SALL1: variants seen among roughly 807,000 people sequenced by gnomAD.
SALL1 encodes the protein sal-like protein 1.
SALL1 carries 10 observed loss-of-function variants against 73.1 expected under a neutral mutation model. That is an observed-to-expected ratio of 0.14 (90% CI 0.08 to 0.23). SALL1 has a LOEUF of 0.23. Ranked by LOEUF, SALL1 falls within the 10% of genes least tolerant of loss-of-function variation. The pLI, the probability that SALL1 is intolerant of heterozygous loss-of-function variation, is 1.00. For missense variants in SALL1, 1,520 were observed against 1,697.3 expected (o/e 0.90, Z 1.84); for synonymous variants, 688 against 689.8 (o/e 1.00, Z 0.04).
rs766143910 is a variant in SALL1, at chr16:51,137,096, T to C, written c.*16A>G. On this transcript the variant is annotated 3_prime_UTR_variant, in exon 3 of 3. Transcript: ENST00000251020. ...TCTGAACAGGAATGAATGCTATGTCTCCAGCCCGAGCTGCTTTAACTCGTG... is the reference window on the plus strand; with the variant it reads ...TCTGAACAGGAATGAATGCTATGTCCCCAGCCCGAGCTGCTTTAACTCGTG... 2 of 1,613,900 alleles carry C rather than the reference T, an allele frequency of 1.2e-6. No homozygotes were observed. The highest frequency in any genetic ancestry group is 1.7e-6 in the Non-Finnish European group (2 of 1,179,918).
At chr16:51,151,567 G>C (rs1237407380), upstream of SALL1, among the ~76,000 whole-genome samples, 4 of 151,678 alleles carry the variant, frequency 2.6e-5, no homozygotes, top group Non-Finnish European at 5.9e-5. Flanking sequence ...CCAATAAGCC[G>C]GCCGCGGGGC....
In SALL1 at chr16:51,140,345, T is replaced by A; in HGVS notation, c.1877A>T (p.Glu626Val). ...GACTGAGTTGGTGACCATGCCACTCTCTTCGCTTTTGCCACCAGAGGGTGG... is the reference window on the plus strand; with the variant it reads ...GACTGAGTTGGTGACCATGCCACTCACTTCGCTTTTGCCACCAGAGGGTGG... Reference protein sequence around the residue: ...TLPPSGGKSEESGMVTNSVPT... With the variant: ...TLPPSGGKSEVSGMVTNSVPT... The change falls in exon 2 of 3, where the codon GAG becomes GTG. Residue 626 changes from glutamate to valine, a missense_variant. Transcript: ENST00000251020. This position sits in a 1 kb window ranked among gnomAD's most constrained non-coding sequence, Gnocchi z 5.7. 6.2e-7 allele frequency: 1 copy of A among 1,614,180 alleles called. No homozygotes were observed. Among genetic ancestry groups the A allele is most frequent in the Non-Finnish European group, 8.5e-7 (1 of 1,180,028 alleles).
At chr16:51,148,320 G>A (rs1962547736) in intron 1 of SALL1, among the ~76,000 whole-genome samples, 1 of 152,120 alleles carries the variant, frequency 6.6e-6, no homozygotes, top group South Asian at 2.1e-4. Context: ...CTGTAACTTA[G>A]GTCTACAAAC....
At chr16:51,145,175 C>T (rs139054263) in intron 1 of SALL1, among the ~76,000 whole-genome samples, 1 of 146,166 alleles carries the variant, frequency 6.8e-6, no homozygotes, top group Non-Finnish European at 1.5e-5. Flanking sequence ...TAGTAAGATA[C>T]ACACACACAC....
At chr16:51,142,697 G>A (rs1034488162) in intron 1 of SALL1, among the ~76,000 whole-genome samples, 1 of 152,052 alleles carries the variant, frequency 6.6e-6, no homozygotes, top group African/African-American at 2.4e-5. Flanking sequence ...CCCCTACCTC[G>A]AACCTGCGCT....
rs1962427132 is a variant in SALL1 at position 51,141,430 on chromosome 16, C to G, written c.792G>C (p.Leu264Phe). 1 of 1,614,148 alleles carries G rather than the reference C, an allele frequency of 6.2e-7. No individual in the cohort carries two copies. The highest frequency in any genetic ancestry group is 8.5e-7 in the Non-Finnish European group (1 of 1,180,044). ...ILLLASQNADLPTSSSPSQGT... is the reference protein window; with the variant it reads ...ILLLASQNADFPTSSSPSQGT... ...CTTGAGAAGGACTAGAAGATGTTGGCAAGTCTGCATTCTGAGAAGCCAACA... is the reference window on the plus strand; with the variant it reads ...CTTGAGAAGGACTAGAAGATGTTGGGAAGTCTGCATTCTGAGAAGCCAACA... Residue 264 changes from leucine (L) to phenylalanine (F), a missense_variant, in exon 2 of 3, where the codon TTG becomes TTC. Physicochemically the swap from Leu to Phe is conservative, Grantham distance 22 (BLOSUM62 0). This residue lies in a region of SALL1 where 540 missense variants were observed against 567.5 expected (regional missense o/e 0.95). Coordinates refer to ENST00000251020, the MANE Select transcript of SALL1 (RefSeq NM_002968.3). The surrounding 1 kb of genome is among the most constrained non-coding windows in gnomAD (Gnocchi z 5.4).
chr16:51,139,525 G>T lies in SALL1; in HGVS notation c.2697C>A (p.Thr899=). The T allele has an allele frequency of 6.2e-7, 1 of 1,614,186 alleles. No individual in the cohort carries two copies. The highest frequency in any genetic ancestry group is 1.7e-5 in the Admixed American group (1 of 60,030). The stretch of plus-strand genomic sequence containing the variant: ...CACCACCCACTGAGGATGAATCATT[G>T]GTCAGGACATCCCCCTCGATGGACC... The part of the protein sequence containing the change: ...ENGSIEGDVL[T]NDSSSVGGDM... Residue 899 remains threonine (T), a synonymous_variant, in exon 2 of 3, where the codon ACC becomes ACA. Transcript: ENST00000251020.
intron 1 of SALL1, among the ~76,000 whole-genome samples, chr16:51,142,738 C>T (rs2143455320): frequency 6.6e-6 from 1 of 152,310 alleles, no homozygotes; most frequent in South Asian, 2.1e-4. Flanking sequence ...GCACTTTAGT[C>T]ACATCAGTAA....
In SALL1 at chr16:51,140,639, T is replaced by C. The variant is rs1027802595; in HGVS notation, c.1583A>G (p.Tyr528Cys). Reference protein sequence around the residue: ...DNIPTSTGIPYGMSIPPEKPV... With the variant: ...DNIPTSTGIPCGMSIPPEKPV... ...CTTCTCTGGAGGGATGGACATGCCA[T>C]ATGGGATGCCAGTACTCGTGGGGAT... The change falls in exon 2 of 3, where the codon TAT (tyrosine) becomes TGT (cysteine). Residue 528 changes from tyrosine to cysteine, a missense_variant. Physicochemically the swap from Tyr to Cys is radical, Grantham distance 194. Coordinates refer to ENST00000251020, the MANE Select transcript of SALL1 (RefSeq NM_002968.3). This position sits in a 1 kb window ranked among gnomAD's most constrained non-coding sequence, Gnocchi z 5.7. 1.9e-6 allele frequency: 3 copies of C among 1,614,114 alleles called. No individual in the cohort carries two copies. The highest frequency in any genetic ancestry group is 2.5e-6 in the Non-Finnish European group (3 of 1,180,018).
chr16:51,139,645 C>T lies in SALL1; in HGVS notation c.2577G>A (p.Glu859=). The T allele has an allele frequency of 6.2e-7, 1 of 1,613,864 alleles. No homozygotes were observed. Among genetic ancestry groups the T allele is most frequent in the East Asian group, 2.2e-5 (1 of 44,874 alleles). The change falls in exon 2 of 3, where the codon GAG becomes GAA. Residue 859 remains glutamate (E), a synonymous_variant. Transcript: ENST00000251020. ...DSLSSSPLPL[E]MSSIAALENQ... is the part of the protein sequence containing the mutation. ...TTTCCAAAGCAGCGATGCTCGACAT[C>T]TCGAGGGGCAAAGGCGAAGAGGATA...
chr16:51,142,265 T>C (rs1962455612), intron 1 of SALL1, 120 bp from the exon 2 acceptor site: 1 of 779,532 alleles, frequency 1.3e-6, no homozygotes, highest in African/African-American at 1.7e-5. Context: ...ACTGTAGCCC[T>C]TGAAAACCAA....
rs1394726752 is a variant in SALL1 at position 51,140,898 on chromosome 16, A to T, written c.1324T>A (p.Ser442Thr). ...TTGTGTTTGAAGAATGCCTCATCGG[A>T]AGTACTTTTCGCTTCAAAGGCAGTG... is the stretch of plus-strand genomic sequence containing the variant. Reference protein sequence around the residue: ...NVTAFEAKSTSDEAFFKHKCR... With the variant: ...NVTAFEAKSTTDEAFFKHKCR... The change falls in exon 2 of 3, where the codon TCC (serine) becomes ACC (threonine). Residue 442 changes from serine (S) to threonine (T), a missense_variant. Around this residue, in one of 7 missense-constraint regions of SALL1, gnomAD observed 540 missense variants for 567.5 expected, o/e 0.95. Transcript: ENST00000251020. The surrounding 1 kb of genome is among the most constrained non-coding windows in gnomAD (Gnocchi z 5.7). 2 of 1,614,182 alleles carry T rather than the reference A, an allele frequency of 1.2e-6. No individual in the cohort carries two copies. Among genetic ancestry groups the T allele is most frequent in the African/African-American group, 2.7e-5 (2 of 75,042 alleles).
At chr16:51,147,703 T>C (rs1962538661) in intron 1 of SALL1, among the ~76,000 whole-genome samples, 1 of 151,670 alleles carries the variant, frequency 6.6e-6, no homozygotes, top group Non-Finnish European at 1.5e-5. Context: ...ACTTTTTAAA[T>C]AAATGAATGG....
intron 1 of SALL1, among the ~76,000 whole-genome samples, chr16:51,145,066 G>A (rs1028750950): frequency 6.8e-5 from 10 of 148,008 alleles, no homozygotes; most frequent in African/African-American, 2.0e-4. Flanking sequence ...ATCTGCATTC[G>A]GAACAAAATT....
intron 1 of SALL1, among the ~76,000 whole-genome samples, chr16:51,146,247 G>GA (rs1486373673): frequency 6.6e-6 from 1 of 151,982 alleles, no homozygotes; most frequent in African/African-American, 2.4e-5. Context: ...TGAAATCTCT[G>GA]AAAAAATAAC....
In SALL1 at chr16:51,140,113, A is replaced by G; in HGVS notation, c.2109T>C (p.Thr703=). Residue 703 remains threonine, a synonymous_variant, in exon 2 of 3, where the codon ACT becomes ACC. Coordinates refer to ENST00000251020, the MANE Select transcript of SALL1 (RefSeq NM_002968.3). The surrounding 1 kb of genome is among the most constrained non-coding windows in gnomAD (Gnocchi z 5.7). The stretch of plus-strand genomic sequence containing the variant: ...GGCAGATGATGCACTCATTGGGGTC[A>G]GTGGCCTTCTTGTCAATGTTTTCTA... ...QLVENIDKKA[T]DPNECIICHR... 1 of 1,614,206 alleles carries G rather than the reference A, an allele frequency of 6.2e-7. No homozygotes were observed. The highest frequency in any genetic ancestry group is 1.1e-5 in the South Asian group (1 of 91,082).
chr16:51,137,150 G>T lies in SALL1; in HGVS notation c.3937C>A (p.Arg1313Ser). The change falls in exon 3 of 3, where the codon CGC becomes AGC. Residue 1313 changes from arginine (R) to serine (S), a missense_variant. Around this residue, in one of 7 missense-constraint regions of SALL1, gnomAD observed 318 missense variants for 357.1 expected, o/e 0.89. Coordinates refer to ENST00000251020, the MANE Select transcript of SALL1 (RefSeq NM_002968.3). ...SENGTNFRFT[R>S]FVEDSKEIVT... The stretch of plus-strand genomic sequence containing the variant: ...ATCTCCTTGCTGTCCTCCACGAAGC[G>T]GGTGAAGCGGAAGTTGGTTCCGTTC... The T allele has an allele frequency of 3.7e-6, 6 of 1,614,126 alleles. No individual in the cohort carries two copies. The highest frequency in any genetic ancestry group is 5.1e-6 in the Non-Finnish European group (6 of 1,180,034).
rs1215106505 is a variant in SALL1, at chr16:51,139,915, G to A, written c.2307C>T (p.Pro769=). 2 of 1,614,086 alleles carry A rather than the reference G, an allele frequency of 1.2e-6. No homozygotes were observed. Among genetic ancestry groups the A allele is most frequent in the African/African-American group, 1.3e-5 (1 of 74,936 alleles). The part of the protein sequence containing the change: ...MPPLRVQHSC[P]ICQKKFTNAV... The stretch of plus-strand genomic sequence containing the variant: ...CGTTCGTGAACTTCTTCTGGCAGAT[G>A]GGGCAGGAATGCTGGACTCTGAGCG... The change falls in exon 2 of 3, where the codon CCC becomes CCT. Residue 769 remains proline (P), a synonymous_variant. Coordinates refer to ENST00000251020, the MANE Select transcript of SALL1 (RefSeq NM_002968.3).
Position 51,136,596 on chromosome 16 carries a change from T to C in SALL1, c.*516A>G, listed in dbSNP as rs1442531661. ...TCAAAGAACCACACTGTTCAGTCTG[T>C]ACTTTCAGTCCTTTCCTTAAATCTG... On this transcript the variant is annotated 3_prime_UTR_variant, in exon 3 of 3. Transcript: ENST00000251020. The C allele has an allele frequency of 1.9e-5, 3 of 158,950 alleles. No homozygotes were observed. The highest frequency in any genetic ancestry group is 2.8e-5 in the Non-Finnish European group (2 of 72,030). The allele number at this position is 158,950 out of a possible 1,614,324, so 9.8% of individuals were successfully genotyped here.
Sources: allele counts gnomAD v4.1 joint callset (sites outside exome capture counted in the v4.1 genomes callset), GRCh38; gene constraint gnomAD v4.1.1; regional missense constraint gnomAD v4.1.1; non-coding constraint Gnocchi (gnomAD v3.1); transcripts MANE v1.5; gene names NCBI Gene and HGNC (gene_info 2026-07-23, HGNC 2026-07-21).